NAV3: variants seen among roughly 807,000 people sequenced by gnomAD.
NAV3 encodes the protein neuron navigator 3.
A neutral mutation model predicts 244.7 loss-of-function variants in NAV3; 87 were observed. That is an observed-to-expected ratio of 0.36 (90% confidence interval 0.30 to 0.42). NAV3 has a LOEUF of 0.42. Ranked by LOEUF, NAV3 falls within the 20% of genes least tolerant of loss-of-function variation. The pLI is 1.00. For synonymous variants in NAV3, 1,126 were observed against 1,042.2 expected, an observed-to-expected ratio of 1.08 and a Z score of -1.55; for missense variants, 2,663 against 2,893.3, an observed-to-expected ratio of 0.92 and a Z score of 1.83.
chr12:77,972,052 G>GA (rs1414893605), intron 5 of NAV3, among the ~76,000 whole-genome samples: 1 of 152,218 alleles, frequency 6.6e-6, no homozygotes, highest in South Asian at 2.1e-4. Context: ...ATATACAGGA[G>GA]AAAAAATAAA....
Position 77,648,581 on chromosome 12 carries a change from T to C in NAV3, c.72+76315T>C, listed in dbSNP as rs1872696724. On this transcript the variant is annotated intron_variant, in intron 2 of 8. Transcript: ENST00000550042. ...ATGGCACAACACTCAGTGGAAGAGCTATCCTGAACTCCATATTGCTCATTC... is the reference window on the plus strand; with the variant it reads ...ATGGCACAACACTCAGTGGAAGAGCCATCCTGAACTCCATATTGCTCATTC... 2.0e-5 allele frequency among the ~76,000 whole-genome samples: 3 copies of C among 152,114 alleles called. 1 individual carries two copies. Among genetic ancestry groups the C allele is most frequent in the Admixed American group, 2.0e-4 (3 of 15,250 alleles).
chr12:77,648,859 G>C (rs1872709410), intron 2 of NAV3, among the ~76,000 whole-genome samples: 1 of 152,038 alleles, frequency 6.6e-6, no homozygotes, highest in South Asian at 2.1e-4. Context: ...TTCTGGAGCT[G>C]ATTAGAAATG....
chr12:77,902,950 C>G (rs1290579202), intron 1 of NAV3, among the ~76,000 whole-genome samples: 2 of 152,108 alleles, frequency 1.3e-5, no homozygotes, highest in Non-Finnish European at 2.9e-5. Flanking sequence ...TGTGAAGGAA[C>G]TCTTCAAGGA....
chr12:78,150,165 AT>A (rs1302566733), intron 22 of NAV3, among the ~76,000 whole-genome samples: 2 of 152,060 alleles, frequency 1.3e-5, no homozygotes, highest in African/African-American at 2.4e-5. Flanking sequence ...AGTATGAAAT[AT>A]TGTTGTCTAG....
At chr12:77,747,911 G>A (rs1161221442) in intron 2 of NAV3, among the ~76,000 whole-genome samples, 4 of 152,010 alleles carry the variant, frequency 2.6e-5, no homozygotes, top group Admixed American at 6.6e-5. Flanking sequence ...GAGGGATAGC[G>A]TTAGGAGATA....
rs529518435 is a variant in NAV3 at position 77,795,295 on chromosome 12, G to A, written c.73-145024G>A. Among the ~76,000 whole-genome samples the A allele has an allele frequency of 3.8e-4, 58 of 152,256 alleles. No individual in the cohort carries two copies. The South Asian group carries it at 5.4e-3, about 14-fold the overall frequency. On this transcript the variant is annotated intron_variant, in intron 2 of 8. Coordinates refer to the NAV3 transcript ENST00000550042. ...AACCCAAAGCCTAATCCAAAGCAAA[G>A]CCCTAACTGTCTTCGATTGTAACAA...
intron 2 of NAV3, among the ~76,000 whole-genome samples, chr12:77,683,191 T>C (rs1391965180): frequency 6.6e-6 from 1 of 152,158 alleles, no homozygotes; most frequent in Admixed American, 6.6e-5. Flanking sequence ...GATATTTTTG[T>C]ATGGTATAAG....
chr12:78,108,331 G>C (rs1954914085), intron 12 of NAV3, among the ~76,000 whole-genome samples: 1 of 152,114 alleles, frequency 6.6e-6, no homozygotes, highest in African/African-American at 2.4e-5. Flanking sequence ...CCTAAAGAGA[G>C]AAATAGACTG....
At chr12:78,040,009 G>A (rs1351236972) in intron 9 of NAV3, among the ~76,000 whole-genome samples, 1 of 152,040 alleles carries the variant, frequency 6.6e-6, no homozygotes, top group Non-Finnish European at 1.5e-5. Flanking sequence ...CATTTTTCTG[G>A]TAACTTGTAT....
intron 18 of NAV3, among the ~76,000 whole-genome samples, chr12:78,129,620 C>T (rs1956075828): frequency 6.6e-6 from 1 of 151,942 alleles, no homozygotes; most frequent in African/African-American, 2.4e-5. Context: ...TTAATAGATT[C>T]AATGACTTTA....
chr12:78,146,485 A>G, intron 21 of NAV3, 93 bp downstream of exon 21: 2 of 426,820 alleles, frequency 4.7e-6, no homozygotes, highest in Non-Finnish European at 7.9e-6. Context: ...GCTCTGTGAT[A>G]CAATAGCAGA....
At chr12:77,763,295 A>G (rs1323836670) in intron 2 of NAV3, among the ~76,000 whole-genome samples, 1 of 152,158 alleles carries the variant, frequency 6.6e-6, no homozygotes, top group African/African-American at 2.4e-5. Flanking sequence ...AGAAAAAATG[A>G]TCTTTAAAGG....
intron 21 of NAV3, among the ~76,000 whole-genome samples, chr12:78,147,970 A>G (rs904393065): frequency 2.0e-5 from 3 of 152,112 alleles, no homozygotes; most frequent in African/African-American, 7.2e-5. Flanking sequence ...TTCTATCCTT[A>G]TTAGTCACAA....
intron 2 of NAV3, among the ~76,000 whole-genome samples, chr12:77,696,948 C>A (rs1875333971): frequency 6.6e-6 from 1 of 152,108 alleles, no homozygotes; most frequent in Non-Finnish European, 1.5e-5. Context: ...CTGTTTAGTT[C>A]ATTAGCTTCA....
intron 2 of NAV3, among the ~76,000 whole-genome samples, chr12:77,658,543 G>T (rs1417267391): frequency 2.6e-5 from 4 of 151,430 alleles, no homozygotes; most frequent in East Asian, 1.9e-4. Flanking sequence ...CCAAGGTAAT[G>T]TATAGATTCA....
chr12:77,823,035 T>C (rs1436282043), intron 2 of NAV3, among the ~76,000 whole-genome samples: 1 of 152,014 alleles, frequency 6.6e-6, no homozygotes, highest in African/African-American at 2.4e-5. Context: ...CACTGGACAA[T>C]AGACAATACA....
intron 19 of NAV3, among the ~76,000 whole-genome samples, chr12:78,139,263 T>G (rs1176705707): frequency 6.6e-6 from 1 of 152,128 alleles, no homozygotes; most frequent in African/African-American, 2.4e-5. Flanking sequence ...TCCATCCCCA[T>G]GTTTTCATCT....
chr12:77,840,022 G>A (rs1273114826), intron 1 of NAV3, among the ~76,000 whole-genome samples: 3 of 152,152 alleles, frequency 2.0e-5, no homozygotes, highest in Non-Finnish European at 4.4e-5. Context: ...GTAGTGAGCC[G>A]AGATCGCGCC....
chr12:78,112,613 A>G (rs1955155951), intron 12 of NAV3, among the ~76,000 whole-genome samples: 2 of 152,168 alleles, frequency 1.3e-5, no homozygotes, highest in Admixed American at 6.5e-5. Flanking sequence ...GAACACAATT[A>G]GAGTAACTGC....
Sources: gnomAD v4.1 joint callset for allele counts (sites outside exome capture counted in the v4.1 genomes callset) on GRCh38, gnomAD v4.1.1 for gene constraint, MANE v1.5 for transcripts, NCBI Gene and HGNC (gene_info 2026-07-23, HGNC 2026-07-21) for gene names.